GALNT13: variants seen among roughly 807,000 people sequenced by gnomAD.
GALNT13 encodes UDP-GalNAc:polypeptide N-acetylgalactosaminyltransferase 13.
In GALNT13, 28 loss-of-function variants were observed where a neutral mutation model predicts 64.2. That is an observed-to-expected ratio of 0.44 (90% CI 0.32 to 0.60). GALNT13 has a LOEUF of 0.60. Ranked by LOEUF, GALNT13 falls within the 20% of genes least tolerant of loss-of-function variation. The pLI, the probability that GALNT13 is intolerant of heterozygous loss-of-function variation, is 0.05. For synonymous variants in GALNT13, 214 were observed against 224.6 expected (o/e 0.95, Z 0.42); for missense variants, 577 against 669.8 (o/e 0.86, Z 1.53).
chr2:153,131,936 G>C, the GALNT13 span, among the ~76,000 whole-genome samples: 1 of 152,194 alleles, frequency 6.6e-6, no homozygotes, highest in African/African-American at 2.4e-5. Context: ...AAGACATCTA[G>C]AAGAGTGACC....
intron 4 of GALNT13, 106 bp from the exon 5 acceptor site, chr2:154,241,924 T>G (rs1689508481): frequency 3.4e-6 from 2 of 585,716 alleles, no homozygotes; most frequent in Non-Finnish European, 5.6e-6. Context: ...ATTTCCTTAG[T>G]AAGGGGCTTT....
the GALNT13 span, among the ~76,000 whole-genome samples, chr2:153,672,439 C>G: frequency 1.3e-5 from 2 of 152,154 alleles, no homozygotes; most frequent in Non-Finnish European, 2.9e-5. Flanking sequence ...AAACAACCTG[C>G]TCCTGAATGA....
the GALNT13 span, among the ~76,000 whole-genome samples, chr2:153,646,856 T>C: frequency 6.6e-6 from 1 of 152,184 alleles, no homozygotes; most frequent in Non-Finnish European, 1.5e-5. Flanking sequence ...CTTAATCCAG[T>C]CTATCATTGT....
the GALNT13 span, among the ~76,000 whole-genome samples, chr2:153,203,114 C>G: frequency 6.6e-6 from 1 of 152,190 alleles, no homozygotes; most frequent in South Asian, 2.1e-4. Context: ...TGTCTGCTTT[C>G]AAGAAGGTGC....
chr2:153,422,391 G>A, the GALNT13 span, among the ~76,000 whole-genome samples: 8 of 152,174 alleles, frequency 5.3e-5, no homozygotes, highest in African/African-American at 1.2e-4. Flanking sequence ...ATCAGGGGCT[G>A]GAGGGAAGAG....
chr2:154,326,005 C>T (rs937807944), intron 9 of GALNT13, among the ~76,000 whole-genome samples: 30 of 152,194 alleles, frequency 2.0e-4, no homozygotes, highest in African/African-American at 6.7e-4. Flanking sequence ...TTTGGAGAAC[C>T]ACTGTGCTCA....
the GALNT13 span, among the ~76,000 whole-genome samples, chr2:153,129,241 A>C: frequency 6.6e-6 from 1 of 152,160 alleles, no homozygotes; most frequent in Non-Finnish European, 1.5e-5. Flanking sequence ...CGAGGGTTTC[A>C]TTTGAGGAAG....
the GALNT13 span, among the ~76,000 whole-genome samples, chr2:153,719,347 C>T: frequency 6.6e-6 from 1 of 152,130 alleles, no homozygotes. Flanking sequence ...TTCCTGAGGG[C>T]TACATTGACA....
chr2:154,388,813 A>C (rs2105347127), intron 9 of GALNT13, among the ~76,000 whole-genome samples: 1 of 152,312 alleles, frequency 6.6e-6, no homozygotes, highest in South Asian at 2.1e-4. Flanking sequence ...TTTAGAAAAT[A>C]TCACAAAAAA....
At chr2:153,292,854 T>C in the GALNT13 span, among the ~76,000 whole-genome samples, 1 of 152,194 alleles carries the variant, frequency 6.6e-6, no homozygotes, top group African/African-American at 2.4e-5. Context: ...CAGACATTTC[T>C]GTGTGTATAT....
the GALNT13 span, among the ~76,000 whole-genome samples, chr2:153,222,805 G>T: frequency 2.0e-5 from 3 of 152,228 alleles, no homozygotes; most frequent in Non-Finnish European, 2.9e-5. Context: ...TGAAGTGGGT[G>T]CTGGGAGTGG....
chr2:154,239,342 C>T (rs907299096), intron 4 of GALNT13, among the ~76,000 whole-genome samples: 1 of 152,070 alleles, frequency 6.6e-6, no homozygotes, highest in African/African-American at 2.4e-5. Context: ...AGACTTTATT[C>T]ACTGTAGTCC....
the GALNT13 span, among the ~76,000 whole-genome samples, chr2:153,281,988 A>T: frequency 6.6e-6 from 1 of 151,756 alleles, no homozygotes; most frequent in Non-Finnish European, 1.5e-5. Flanking sequence ...TATTCCTTCA[A>T]ATGTGTTTTC....
chr2:153,450,613 C>T, the GALNT13 span, among the ~76,000 whole-genome samples: 1 of 151,218 alleles, frequency 6.6e-6, no homozygotes, highest in Admixed American at 6.6e-5. Context: ...TAAATTGTGC[C>T]CAGAAAATTC....
At chr2:153,257,773 A>G in the GALNT13 span, among the ~76,000 whole-genome samples, 2 of 152,204 alleles carry the variant, frequency 1.3e-5, no homozygotes, top group African/African-American at 2.4e-5. Flanking sequence ...TTATGGCAAT[A>G]TAGTTATTTG....
intron 3 of GALNT13, among the ~76,000 whole-genome samples, chr2:153,996,139 G>T (rs1695507992): frequency 6.6e-6 from 1 of 152,126 alleles, no homozygotes; most frequent in Non-Finnish European, 1.5e-5. Flanking sequence ...ATAAACATGA[G>T]AATGCAGTTA....
At chr2:154,126,170 A>G (rs1682249806) in intron 3 of GALNT13, among the ~76,000 whole-genome samples, 1 of 152,186 alleles carries the variant, frequency 6.6e-6, no homozygotes, top group African/African-American at 2.4e-5. Context: ...CCAAGACCAC[A>G]TAATTTTACT....
At chr2:153,681,379 GT>G in the GALNT13 span, among the ~76,000 whole-genome samples, 1 of 151,740 alleles carries the variant, frequency 6.6e-6, no homozygotes, top group Non-Finnish European at 1.5e-5. Context: ...CTTCTCTGAA[GT>G]TTTCTTGTGA....
At chr2:153,863,750 A>C in the GALNT13 span, among the ~76,000 whole-genome samples, 9 of 152,258 alleles carry the variant, frequency 5.9e-5, no homozygotes, top group South Asian at 6.2e-4. Context: ...TATTTAACGA[A>C]ATAATAACTA....
Sources: gnomAD v4.1 joint callset for allele counts (sites outside exome capture counted in the v4.1 genomes callset) on GRCh38, gnomAD v4.1.1 for gene constraint, MANE v1.5 for transcripts, NCBI Gene and HGNC (gene_info 2026-07-23, HGNC 2026-07-21) for gene names.